OR4E1: variants seen among roughly 807,000 people sequenced by gnomAD.
The protein encoded by OR4E1 is olfactory receptor family 4 subfamily E member 1.
intron 1 of OR4E1, among the ~76,000 whole-genome samples, chr14:21,672,794 G>GA (rs972590276): frequency 6.6e-6 from 1 of 151,994 alleles, no homozygotes. Flanking sequence ...GGAGCCACAG[G>GA]AAAAAAATGC....
Position 21,670,632 on chromosome 14 carries a change from C to T in OR4E1, c.304G>A (p.Val102Met), listed in dbSNP as rs939753809. ...EEKLISFDAC[V>M]TQMFFLHLFA... is the part of the protein sequence containing the mutation. Reference sequence around the variant, plus strand: ...AGGTGCAGGAAGAACATCTGGGTCACACAGGCATCAAAAGAGATGAGCTTT... The same window carrying T: ...AGGTGCAGGAAGAACATCTGGGTCATACAGGCATCAAAAGAGATGAGCTTT... Residue 102 changes from valine to methionine, a missense_variant, in exon 2 of 2, where the codon GTG (valine) becomes ATG (methionine). By Grantham distance (21) the Val-to-Met change is conservative (BLOSUM62 1). Coordinates refer to ENST00000641792, the MANE Select transcript of OR4E1 (RefSeq NM_001317107.2). The T allele has an allele frequency of 8.5e-5, 34 of 400,500 alleles. No homozygotes were observed. The highest frequency in any genetic ancestry group is 1.8e-5 in the Non-Finnish European group (4 of 226,432). 24.8% of individuals were successfully genotyped at this position (400,500 alleles called of 1,614,324 possible). A position where few individuals can be genotyped will look rare whatever the true frequency, so the allele number is the denominator to read the frequency against.
chr14:21,671,380 A>C (rs1023073705), intron 1 of OR4E1, among the ~76,000 whole-genome samples: 4 of 151,668 alleles, frequency 2.6e-5, no homozygotes, highest in African/African-American at 9.7e-5. Flanking sequence ...TTTTTTTTTT[A>C]ATAGTCCTGC....
rs977860906 is a variant in OR4E1 at position 21,668,954 on chromosome 14, C to T, written c.*1034G>A. Reference sequence around the variant, plus strand: ...CTTTTTAGCTCTCTGATATCACTCTCTTGCCACTCTCTGCCTTATAGTCTA... The same window carrying T: ...CTTTTTAGCTCTCTGATATCACTCTTTTGCCACTCTCTGCCTTATAGTCTA... On this transcript the variant is annotated 3_prime_UTR_variant, in exon 2 of 2. Transcript: ENST00000641792. The T allele has an allele frequency of 3.3e-5, 5 of 152,212 alleles. 1 individual carries two copies. Among genetic ancestry groups the T allele is most frequent in the Non-Finnish European group, 7.3e-5 (5 of 68,032 alleles). 9.4% of individuals were successfully genotyped at this position (152,212 alleles called of 1,614,324 possible).
At position 21,669,722 on chromosome 14, in the gene OR4E1, T is replaced by G. The variant is rs1296311791; in HGVS notation, c.*266A>C. On this transcript the variant is annotated 3_prime_UTR_variant, in exon 2 of 2. Coordinates refer to ENST00000641792, the MANE Select transcript of OR4E1 (RefSeq NM_001317107.2). ...GTGACTTTGGGCATGTTATTTACTC[T>G]CCTCGAGCTTTAGTTTCTTCATGTA... is the stretch of plus-strand genomic sequence containing the variant. 2 of 223,332 alleles carry G rather than the reference T, an allele frequency of 9.0e-6. No individual in the cohort carries two copies. Among genetic ancestry groups the G allele is most frequent in the Admixed American group, 5.8e-5 (1 of 17,386 alleles). The allele number at this position is 223,332 out of a possible 1,614,324, so 13.8% of individuals were successfully genotyped here. A position where few individuals can be genotyped will look rare whatever the true frequency, so the allele number is the denominator to read the frequency against.
Position 21,670,035 on chromosome 14 carries a change from C to T in OR4E1, c.901G>A (p.Ala301Thr). 1 of 398,618 alleles carries T rather than the reference C, an allele frequency of 2.5e-6. No homozygotes were observed. Among genetic ancestry groups the T allele is most frequent in the Non-Finnish European group, 4.4e-6 (1 of 226,124 alleles). The allele number at this position is 398,618 out of a possible 1,614,324, so 24.7% of individuals were successfully genotyped here. The change falls in exon 2 of 2, where the codon GCC (alanine) becomes ACC (threonine). Residue 301 changes from alanine (A) to threonine (T), a missense_variant. Ala to Thr is a moderately conservative substitution (Grantham distance 58). Coordinates refer to ENST00000641792, the MANE Select transcript of OR4E1 (RefSeq NM_001317107.2). ...YTLRNEEMKS[A>T]LNKLVGRKER... is the part of the protein sequence containing the mutation. ...TTTCTCCCCACTAACTTGTTTAAGG[C>T]ACTCTTCATTTCTTCATTCCTAAGG...
rs1467347584 is a variant in OR4E1, at chr14:21,669,729, G to GAGTAA, written c.*258_*259insTTACT. 4.2e-6 allele frequency: 1 copy of GAGTAA among 238,842 alleles called. No homozygotes were observed. Among genetic ancestry groups the GAGTAA allele is most frequent in the Admixed American group, 5.6e-5 (1 of 17,824 alleles). 14.8% of individuals were successfully genotyped at this position (238,842 alleles called of 1,614,324 possible). A position where few individuals can be genotyped will look rare whatever the true frequency, so the allele number is the denominator to read the frequency against. On this transcript the variant is annotated 3_prime_UTR_variant, in exon 2 of 2. Coordinates refer to ENST00000641792, the MANE Select transcript of OR4E1 (RefSeq NM_001317107.2). ...TGGGCATGTTATTTACTCTCCTCGA[G>GAGTAA]CTTTAGTTTCTTCATGTACAAACAA...
rs967036925 is a variant in OR4E1 at position 21,667,910 on chromosome 14, G to A, written c.*2078C>T. 3 of 152,402 alleles carry A rather than the reference G, an allele frequency of 2.0e-5. No homozygotes were observed. Among genetic ancestry groups the A allele is most frequent in the African/African-American group, 7.2e-5 (3 of 41,394 alleles). 9.4% of individuals were successfully genotyped at this position (152,402 alleles called of 1,614,324 possible). On this transcript the variant is annotated 3_prime_UTR_variant, in exon 2 of 2. Coordinates refer to ENST00000641792, the MANE Select transcript of OR4E1 (RefSeq NM_001317107.2). The stretch of plus-strand genomic sequence containing the variant: ...CCAAGCATCAAGATCTTTTATTTTT[G>A]TTCTTTAAGACTCTCTATTTATTTA...
Position 21,669,804 on chromosome 14 carries a change from G to A in OR4E1, c.*184C>T, listed in dbSNP as rs1880833557. The A allele has an allele frequency of 2.7e-6, 1 of 370,772 alleles. No homozygotes were observed. Among genetic ancestry groups the A allele is most frequent in the Non-Finnish European group, 4.8e-6 (1 of 209,042 alleles). 23.0% of individuals were successfully genotyped at this position (370,772 alleles called of 1,614,324 possible). A position where few individuals can be genotyped will look rare whatever the true frequency, so the allele number is the denominator to read the frequency against. The stretch of plus-strand genomic sequence containing the variant: ...GTTGTGAGAATTAAGTAAATGCACA[G>A]TGCCTAGAATAATTTCCAGCACAGA... On this transcript the variant is annotated 3_prime_UTR_variant, in exon 2 of 2. Coordinates refer to ENST00000641792, the MANE Select transcript of OR4E1 (RefSeq NM_001317107.2).
Position 21,673,799 on chromosome 14 carries a change from G to T in OR4E1, c.-727C>A, listed in dbSNP as rs1018581008. 1 of 152,138 alleles carries T rather than the reference G, an allele frequency of 6.6e-6. No individual in the cohort carries two copies. Among genetic ancestry groups the T allele is most frequent in the African/African-American group, 2.4e-5 (1 of 41,422 alleles). The allele number at this position is 152,138 out of a possible 1,614,324, so 9.4% of individuals were successfully genotyped here. A position where few individuals can be genotyped will look rare whatever the true frequency, so the allele number is the denominator to read the frequency against. On this transcript the variant is annotated 5_prime_UTR_variant, in exon 1 of 2. Coordinates refer to ENST00000641792, the MANE Select transcript of OR4E1 (RefSeq NM_001317107.2). Reference sequence around the variant, plus strand: ...GATTATTCCACCTTCAAGTACTGAAGGGGAATCTGTAGAGAAAGAAGCGCT... The same window carrying T: ...GATTATTCCACCTTCAAGTACTGAATGGGAATCTGTAGAGAAAGAAGCGCT...
intron 1 of OR4E1, among the ~76,000 whole-genome samples, chr14:21,671,773 G>A (rs1178650771): frequency 1.3e-5 from 2 of 152,130 alleles, no homozygotes; most frequent in African/African-American, 2.4e-5. Flanking sequence ...TTTTAAATTA[G>A]CCTATGACTC....
Position 21,670,433 on chromosome 14 carries a change from A to G in OR4E1, c.503T>C (p.Ile168Thr), listed in dbSNP as rs1363591219. 1.8e-5 allele frequency: 7 copies of G among 399,644 alleles called. No individual in the cohort carries two copies. Among genetic ancestry groups the G allele is most frequent in the Admixed American group, 4.4e-5 (1 of 22,716 alleles). 24.8% of individuals were successfully genotyped at this position (399,644 alleles called of 1,614,324 possible). A position where few individuals can be genotyped will look rare whatever the true frequency, so the allele number is the denominator to read the frequency against. ...IHSIALTSLT[I>T]KLPYCGPDEI... ...ATCAGGACCACAGTAGGGCAGCTTGATGGTAAGGGAGGTGAGGGCTATGGA... is the reference window on the plus strand; with the variant it reads ...ATCAGGACCACAGTAGGGCAGCTTGGTGGTAAGGGAGGTGAGGGCTATGGA... Residue 168 changes from isoleucine to threonine, a missense_variant, in exon 2 of 2, where the codon ATC (isoleucine) becomes ACC (threonine). Ile to Thr is a moderately conservative substitution (Grantham distance 89, BLOSUM62 -1). Transcript: ENST00000641792.
At chr14:21,670,989 G>A in intron 1 of OR4E1, 37 bp from the exon 2 acceptor site, 1 of 398,284 alleles carries the variant, frequency 2.5e-6, no homozygotes, top group Non-Finnish European at 4.4e-6. Flanking sequence ...ATATAACACA[G>A]TATCTGCATC....
rs1880861055 is a variant in OR4E1 at position 21,670,220 on chromosome 14, T to C, written c.716A>G (p.Lys239Arg). ...ATGGGCTGCACAGGTGGACAGGGCCTTCCGCTTGCCCTTGGAGATCTGCTG... is the reference window on the plus strand; with the variant it reads ...ATGGGCTGCACAGGTGGACAGGGCCCTCCGCTTGCCCTTGGAGATCTGCTG... ...LRQQISKGKRKALSTCAAHLT... is the reference protein window; with the variant it reads ...LRQQISKGKRRALSTCAAHLT... Residue 239 changes from lysine (K) to arginine (R), a missense_variant, in exon 2 of 2, where the codon AAG (lysine) becomes AGG (arginine). By Grantham distance (26) the Lys-to-Arg change is conservative. Transcript: ENST00000641792. The C allele has an allele frequency of 5.0e-6, 2 of 398,690 alleles. No individual in the cohort carries two copies. The allele number at this position is 398,690 out of a possible 1,614,324, so 24.7% of individuals were successfully genotyped here.
Position 21,668,681 on chromosome 14 carries a change from G to C in OR4E1, c.*1307C>G, listed in dbSNP as rs1046487711. 1.3e-5 allele frequency: 2 copies of C among 152,086 alleles called. No individual in the cohort carries two copies. Among genetic ancestry groups the C allele is most frequent in the African/African-American group, 4.8e-5 (2 of 41,404 alleles). 9.4% of individuals were successfully genotyped at this position (152,086 alleles called of 1,614,324 possible). A position where few individuals can be genotyped will look rare whatever the true frequency, so the allele number is the denominator to read the frequency against. The stretch of plus-strand genomic sequence containing the variant: ...TTATAGACAATGGTTTATCCAACTT[G>C]GTGTTTTCTACCAAGTTTCTACCAA... On this transcript the variant is annotated 3_prime_UTR_variant, in exon 2 of 2. Coordinates refer to ENST00000641792, the MANE Select transcript of OR4E1 (RefSeq NM_001317107.2).
chr14:21,669,373 A>G lies in OR4E1; in HGVS notation c.*615T>C. 6.6e-6 allele frequency: 1 copy of G among 152,258 alleles called. No individual in the cohort carries two copies. The highest frequency in any genetic ancestry group is 1.5e-5 in the Non-Finnish European group (1 of 68,052). 9.4% of individuals were successfully genotyped at this position (152,258 alleles called of 1,614,324 possible). ...TTGTCAAATGAATGAATAGTAAGAT[A>G]TCCCCATTTCATTGCTCTGATGGCA... On this transcript the variant is annotated 3_prime_UTR_variant, in exon 2 of 2. Coordinates refer to ENST00000641792, the MANE Select transcript of OR4E1 (RefSeq NM_001317107.2).
intron 1 of OR4E1, among the ~76,000 whole-genome samples, chr14:21,672,217 C>A (rs2138558873): frequency 6.6e-6 from 1 of 152,280 alleles, no homozygotes; most frequent in South Asian, 2.1e-4. Context: ...GGTGGCCCAC[C>A]CAAGGAAGCT....
chr14:21,672,664 A>G (rs1881015670), intron 1 of OR4E1, among the ~76,000 whole-genome samples: 1 of 152,198 alleles, frequency 6.6e-6, no homozygotes. Flanking sequence ...CACAGACTGA[A>G]GAGGGTGTGC....
chr14:21,671,742 G>A (rs567303236), intron 1 of OR4E1, among the ~76,000 whole-genome samples: 2 of 152,204 alleles, frequency 1.3e-5, no homozygotes, highest in African/African-American at 4.8e-5. Flanking sequence ...GCCCACAAGT[G>A]AAATAAAAAT....
chr14:21,672,631 T>C (rs1044394191), intron 1 of OR4E1, among the ~76,000 whole-genome samples: 9 of 152,216 alleles, frequency 5.9e-5, no homozygotes, highest in Admixed American at 2.0e-4. Context: ...TAGGATTTTA[T>C]TCAGTATGGG....
Sources: gnomAD v4.1 joint callset for allele counts (sites outside exome capture counted in the v4.1 genomes callset) on GRCh38, gnomAD v4.1.1 for gene constraint, MANE v1.5 for transcripts, NCBI Gene and HGNC (gene_info 2026-07-23, HGNC 2026-07-21) for gene names.